Variants in NR5A2 observed in about 807,000 individuals in gnomAD.
The protein encoded by NR5A2 is CYP7A promoter-binding factor.
Under a neutral mutation model 62.7 loss-of-function variants are expected in NR5A2, and 26 were observed. The observed-to-expected ratio is 0.41, with a 90% CI of 0.30 to 0.58. The LOEUF (loss-of-function observed/expected upper bound fraction) is 0.58. NR5A2 is among the 20% of genes least tolerant of loss of function. The pLI, the probability that NR5A2 is intolerant of heterozygous loss-of-function variation, is 0.22. For missense variants in NR5A2, 541 were observed against 669.1 expected, an observed-to-expected ratio of 0.81 and a Z score of 2.11; for synonymous variants, 246 against 241.7, an observed-to-expected ratio of 1.02 and a Z score of -0.16.
intron 6 of NR5A2, among the ~76,000 whole-genome samples, chr1:200,120,099 A>C (rs1220406472): frequency 1.3e-5 from 2 of 152,176 alleles, no homozygotes; most frequent in East Asian, 3.8e-4. Context: ...AAACTAAAGA[A>C]TAATTTATTT....
At chr1:200,049,350 C>G (rs777837292) in intron 5 of NR5A2, among the ~76,000 whole-genome samples, 3 of 152,024 alleles carry the variant, frequency 2.0e-5, no homozygotes, top group Non-Finnish European at 1.5e-5. Context: ...GTTGGTAAAG[C>G]CTTTGTTTTC....
intron 5 of NR5A2, among the ~76,000 whole-genome samples, chr1:200,099,143 T>C (rs1185801356): frequency 1.3e-5 from 2 of 152,172 alleles, no homozygotes; most frequent in African/African-American, 4.8e-5. Context: ...AGAGGAATTC[T>C]CCCAGGAGCC....
chr1:200,166,488 C>G (rs995976214), intron 7 of NR5A2, among the ~76,000 whole-genome samples: 1 of 152,122 alleles, frequency 6.6e-6, no homozygotes, highest in African/African-American at 2.4e-5. Flanking sequence ...TTATTTCATT[C>G]AAATTATCTG....
rs2690032 is a variant in NR5A2 at position 200,176,765 on chromosome 1, A to G, written c.*2555A>G. ...CATTCCTCCTGCCTCAGCCTCCCCC[A>G]TAGCTGGGACTAGGGGTGCATGCCA... is the stretch of plus-strand genomic sequence containing the variant. On this transcript the variant is annotated 3_prime_UTR_variant, in exon 8 of 8. Transcript: ENST00000367362. 101,766 of 152,032 alleles carry G rather than the reference A, an allele frequency of 0.67. 34,407 individuals carry two copies. The highest frequency in any genetic ancestry group is 0.72 in the South Asian group (3,465 of 4,812). The allele number at this position is 152,032 out of a possible 1,614,324, so 9.4% of individuals were successfully genotyped here. A position where few individuals can be genotyped will look rare whatever the true frequency, so the allele number is the denominator to read the frequency against.
rs1220866878 is a variant in NR5A2, at chr1:200,177,339, C to A, written c.*3129C>A. 6.8e-6 allele frequency: 1 copy of A among 148,074 alleles called. No homozygotes were observed. The highest frequency in any genetic ancestry group is 1.5e-5 in the Non-Finnish European group (1 of 67,122). 9.2% of individuals were successfully genotyped at this position (148,074 alleles called of 1,614,324 possible). On this transcript the variant is annotated 3_prime_UTR_variant, in exon 8 of 8. Transcript: ENST00000367362. Reference sequence around the variant, plus strand: ...TGAAATACATATTGTCATGTCAGTTCTTGCCAGGAACTTCTCAACAAAATG... The same window carrying A: ...TGAAATACATATTGTCATGTCAGTTATTGCCAGGAACTTCTCAACAAAATG...
At chr1:200,154,030 G>C (rs1217382514) in intron 7 of NR5A2, among the ~76,000 whole-genome samples, 1 of 152,128 alleles carries the variant, frequency 6.6e-6, no homozygotes, top group Non-Finnish European at 1.5e-5. Flanking sequence ...TTCTTAAATT[G>C]GTGTGTTATT....
At chr1:200,068,818 G>A (rs1663614265) in intron 5 of NR5A2, among the ~76,000 whole-genome samples, 1 of 149,508 alleles carries the variant, frequency 6.7e-6, no homozygotes, top group Non-Finnish European at 1.5e-5. Context: ...TGGGCTAGGA[G>A]GAGGTAGAAA....
At chr1:200,161,514 TGTG>T (rs1401163414) in intron 7 of NR5A2, among the ~76,000 whole-genome samples, 5 of 152,198 alleles carry the variant, frequency 3.3e-5, no homozygotes, top group Admixed American at 3.3e-4. Flanking sequence ...ATGCCCGTGA[TGTG>T]GTCCCTAACA....
At chr1:200,075,968 T>G (rs920779116) in intron 5 of NR5A2, among the ~76,000 whole-genome samples, 2 of 152,228 alleles carry the variant, frequency 1.3e-5, no homozygotes, top group African/African-American at 4.8e-5. Context: ...TATTCTGTTC[T>G]CTTGATTTTA....
intron 5 of NR5A2, among the ~76,000 whole-genome samples, chr1:200,102,379 AG>A (rs757673421): frequency 9.9e-5 from 15 of 152,148 alleles, no homozygotes; most frequent in Non-Finnish European, 1.9e-4. Context: ...CCTGAAGTCT[AG>A]GCCTCTGACT....
chr1:200,054,902 C>CT (rs774540556), intron 5 of NR5A2, among the ~76,000 whole-genome samples: 2,757 of 146,302 alleles, frequency 0.019, 37 homozygotes, highest in Non-Finnish European at 0.028. Context: ...CTTAGTCCTA[C>CT]TTTTTTTTTT....
intron 7 of NR5A2, among the ~76,000 whole-genome samples, chr1:200,164,282 C>T (rs1434598727): frequency 6.6e-6 from 1 of 152,126 alleles, no homozygotes; most frequent in Non-Finnish European, 1.5e-5. Flanking sequence ...TTCTTTATAG[C>T]AGTGCAAGAA....
intron 7 of NR5A2, among the ~76,000 whole-genome samples, chr1:200,143,246 T>G (rs888569092): frequency 6.6e-6 from 1 of 152,140 alleles, no homozygotes; most frequent in Non-Finnish European, 1.5e-5. Context: ...AGGCAAGTCC[T>G]ATATGGTGTT....
intron 5 of NR5A2, among the ~76,000 whole-genome samples, chr1:200,090,017 C>A (rs1026542660): frequency 5.3e-5 from 8 of 152,102 alleles, no homozygotes; most frequent in Non-Finnish European, 1.0e-4. Flanking sequence ...GAAATGGGGA[C>A]TATTTGAAAT....
chr1:200,133,091 C>A (rs972474893), intron 7 of NR5A2, among the ~76,000 whole-genome samples: 1 of 152,186 alleles, frequency 6.6e-6, no homozygotes, highest in Admixed American at 6.5e-5. Context: ...TTCTATATTA[C>A]AGAAATAGTG....
intron 5 of NR5A2, among the ~76,000 whole-genome samples, chr1:200,067,027 A>G (rs1420563273): frequency 2.0e-5 from 3 of 152,226 alleles, no homozygotes; most frequent in Non-Finnish European, 4.4e-5. Context: ...AACCCTTTAC[A>G]TGATGACTTG....
intron 5 of NR5A2, among the ~76,000 whole-genome samples, chr1:200,092,749 G>T (rs1383442363): frequency 2.6e-5 from 4 of 151,722 alleles, no homozygotes; most frequent in African/African-American, 9.7e-5. Flanking sequence ...TCTACCATGG[G>T]TTTATTCTTT....
rs1467895789 is a variant in NR5A2, at chr1:200,083,506, A to T, written c.1111-27696A>T. ...ATAAGAATTTTTATGCATTTTATGG[A>T]TTCCTGTACAGCCTCCTCATTGTCA... On this transcript the variant is annotated intron_variant, in intron 5 of 7. Coordinates refer to ENST00000367362, the MANE Select transcript of NR5A2 (RefSeq NM_205860.3). Among the ~76,000 whole-genome samples the T allele has an allele frequency of 3.3e-5, 5 of 152,202 alleles. No homozygotes were observed. In the South Asian group the frequency reaches 1.0e-3, roughly 32 times the overall value.
intron 1 of NR5A2, chr1:200,038,746 TCA>T: frequency 7.3e-7 from 1 of 1,365,718 alleles, no homozygotes; most frequent in South Asian, 1.1e-5. Context: ...GCCGCCACGC[TCA>T]GACAGAGGTC....
Sources: allele counts gnomAD v4.1 joint callset (sites outside exome capture counted in the v4.1 genomes callset), GRCh38; gene constraint gnomAD v4.1.1; transcripts MANE v1.5; gene names NCBI Gene and HGNC (gene_info 2026-07-23, HGNC 2026-07-21).